The following ZNF385D variants were observed in gnomAD, a reference collection of about 807,000 sequenced individuals.
ZNF385D encodes the protein zinc finger protein 385D.
Under a neutral mutation model 35.8 loss-of-function variants are expected in ZNF385D, and 15 were observed. The observed-to-expected ratio is 0.42, with a 90% CI of 0.28 to 0.64. ZNF385D has a LOEUF of 0.64. Ranked by LOEUF, ZNF385D falls within the 30% of genes least tolerant of loss-of-function variation. The pLI, the probability that ZNF385D is intolerant of heterozygous loss-of-function variation, is 0.23. For synonymous variants in ZNF385D, 212 were observed against 186.8 expected (o/e 1.13, Z -1.10); for missense variants, 474 against 494.6 (o/e 0.96, Z 0.39).
At chr3:21,828,530 T>G (rs1344825191) in intron 3 of ZNF385D, among the ~76,000 whole-genome samples, 1 of 152,212 alleles carries the variant, frequency 6.6e-6, no homozygotes, top group Non-Finnish European at 1.5e-5. Flanking sequence ...CATTTATGTC[T>G]TTCCATAAGG....
At chr3:21,660,403 G>C (rs149194471) in intron 2 of ZNF385D, among the ~76,000 whole-genome samples, 2 of 152,038 alleles carry the variant, frequency 1.3e-5, no homozygotes, top group African/African-American at 4.8e-5. Flanking sequence ...GCATCTGCAG[G>C]CACAGGAAGT....
chr3:21,894,241 A>T (rs1699020377), intron 3 of ZNF385D, among the ~76,000 whole-genome samples: 1 of 152,232 alleles, frequency 6.6e-6, no homozygotes, highest in Admixed American at 6.5e-5. Flanking sequence ...AAACAAATTG[A>T]GACCATTAGG....
intron 3 of ZNF385D, among the ~76,000 whole-genome samples, chr3:21,992,755 G>A (rs1046073956): frequency 5.3e-5 from 8 of 152,110 alleles, no homozygotes; most frequent in African/African-American, 1.9e-4. Context: ...GTCTATGGCT[G>A]TTTCATAATT....
intron 2 of ZNF385D, among the ~76,000 whole-genome samples, chr3:22,193,408 T>C (rs1048021824): frequency 2.0e-5 from 3 of 152,068 alleles, no homozygotes; most frequent in Admixed American, 2.0e-4. Flanking sequence ...TCCTAACCTA[T>C]TTACTCACTT....
At chr3:21,810,386 T>C (rs1244461770) in intron 3 of ZNF385D, among the ~76,000 whole-genome samples, 1 of 109,664 alleles carries the variant, frequency 9.1e-6, no homozygotes, top group Non-Finnish European at 1.9e-5. Context: ...GGGTGGGGGC[T>C]GGGGGAGGGA....
At chr3:22,314,571 C>G (rs1036059815) in intron 2 of ZNF385D, among the ~76,000 whole-genome samples, 1 of 151,980 alleles carries the variant, frequency 6.6e-6, no homozygotes, top group East Asian at 1.9e-4. Context: ...TTCTTCTACC[C>G]AGGATATTAA....
chr3:21,936,040 G>A (rs1474407642), intron 3 of ZNF385D, among the ~76,000 whole-genome samples: 2 of 152,050 alleles, frequency 1.3e-5, no homozygotes, highest in African/African-American at 4.8e-5. Context: ...TCTCTTGAAA[G>A]GTGCTGAATG....
At chr3:22,058,806 T>C (rs1003410727) in intron 3 of ZNF385D, among the ~76,000 whole-genome samples, 3 of 152,224 alleles carry the variant, frequency 2.0e-5, no homozygotes. Flanking sequence ...ATTTGCTTTG[T>C]ATATTTGGTT....
At chr3:22,349,438 CTGAGA>C (rs1441084923) in intron 2 of ZNF385D, among the ~76,000 whole-genome samples, 2 of 152,194 alleles carry the variant, frequency 1.3e-5, no homozygotes, top group Non-Finnish European at 2.9e-5. Flanking sequence ...ATGCCATTCT[CTGAGA>C]TAATAACTTC....
chr3:21,771,599 G>GA (rs934651705), intron 3 of ZNF385D, among the ~76,000 whole-genome samples: 4 of 151,424 alleles, frequency 2.6e-5, no homozygotes, highest in Admixed American at 6.6e-5. Flanking sequence ...AGAAAGATGT[G>GA]AAAAAAAATC....
intron 3 of ZNF385D, among the ~76,000 whole-genome samples, chr3:21,517,336 A>G (rs1330793909): frequency 6.6e-6 from 1 of 152,118 alleles, no homozygotes; most frequent in Non-Finnish European, 1.5e-5. Context: ...GAAGGGTCGT[A>G]GAAACAGAAA....
intron 3 of ZNF385D, among the ~76,000 whole-genome samples, chr3:22,088,204 T>G (rs1322886750): frequency 6.6e-6 from 1 of 152,184 alleles, no homozygotes; most frequent in Non-Finnish European, 1.5e-5. Context: ...CTGCAAGGCA[T>G]GTTAACATGG....
At chr3:21,722,833 T>C (rs2068598386) in intron 1 of ZNF385D, among the ~76,000 whole-genome samples, 1 of 152,216 alleles carries the variant, frequency 6.6e-6, no homozygotes, top group African/African-American at 2.4e-5. Flanking sequence ...CTACAGTATA[T>C]TTGGTTTCAT....
upstream of ZNF385D, among the ~76,000 whole-genome samples, chr3:21,753,382 C>T (rs4261893): frequency 0.61 from 92,482 of 152,030 alleles, 28,190 homozygotes; most frequent in Middle Eastern, 0.7. Context: ...ACTGCATGTT[C>T]TAGAAACAAA....
chr3:22,067,414 G>A (rs1318377377), intron 3 of ZNF385D, among the ~76,000 whole-genome samples: 2 of 152,154 alleles, frequency 1.3e-5, no homozygotes, highest in Admixed American at 1.3e-4. Context: ...TTTTAGCTCA[G>A]CAGGGCAATA....
chr3:21,768,931 A>C (rs1559604310), intron 3 of ZNF385D, among the ~76,000 whole-genome samples: 1 of 152,100 alleles, frequency 6.6e-6, no homozygotes, highest in Non-Finnish European at 1.5e-5. Context: ...TGGGAAATTT[A>C]GAAAGTTGAC....
chr3:22,205,010 T>C (rs1017604473), intron 2 of ZNF385D, among the ~76,000 whole-genome samples: 5 of 140,174 alleles, frequency 3.6e-5, no homozygotes, highest in Non-Finnish European at 6.2e-5. Context: ...TCAATATCCA[T>C]GTACAAGAAG....
chr3:21,744,541 C>A (rs1231012523), intron 1 of ZNF385D, among the ~76,000 whole-genome samples: 4 of 152,108 alleles, frequency 2.6e-5, no homozygotes, highest in Admixed American at 2.6e-4. Context: ...TCTTTTATGC[C>A]CATCCCAGCC....
intron 2 of ZNF385D, among the ~76,000 whole-genome samples, chr3:22,341,048 T>A (rs766033941): frequency 6.6e-4 from 101 of 152,298 alleles, no homozygotes; most frequent in Admixed American, 2.7e-3. Flanking sequence ...CAAAACAGAG[T>A]TATGATGGCT....
Sources: allele counts gnomAD v4.1 joint callset (sites outside exome capture counted in the v4.1 genomes callset), GRCh38; gene constraint gnomAD v4.1.1; transcripts MANE v1.5; gene names NCBI Gene and HGNC (gene_info 2026-07-23, HGNC 2026-07-21).